The following LUZP2 variants were observed in gnomAD, a reference collection of about 807,000 sequenced individuals.
LUZP2 encodes leucine zipper protein 2.
LUZP2 carries 52 observed loss-of-function variants against 51.6 expected under a neutral mutation model. The ratio of observed to expected loss-of-function variants is 1.01; its 90% CI spans 0.81 to 1.27. The LOEUF (loss-of-function observed/expected upper bound fraction) is 1.27, where lower values mean the gene tolerates loss of function less well. Among genes scored for constraint, LUZP2 ranks in the 50% most tolerant of loss-of-function variants. LUZP2 has a pLI of 0.00. For synonymous variants in LUZP2, 154 were observed against 137.3 expected (o/e 1.12, Z -0.85); for missense variants, 436 against 395.4 (o/e 1.10, Z -0.87).
At chr11:24,748,668 G>C (rs985229265) in intron 4 of LUZP2, among the ~76,000 whole-genome samples, 5 of 151,936 alleles carry the variant, frequency 3.3e-5, no homozygotes, top group African/African-American at 1.2e-4. Context: ...CATGTTGGCC[G>C]GGATGGTCTT....
At chr11:24,975,839 G>C (rs1203727234) in intron 7 of LUZP2, among the ~76,000 whole-genome samples, 1 of 151,984 alleles carries the variant, frequency 6.6e-6, no homozygotes, top group African/African-American at 2.4e-5. Flanking sequence ...ATAGAGAAGT[G>C]TATGGGATTA....
At chr11:24,886,452 C>A (rs1484296922) in intron 5 of LUZP2, among the ~76,000 whole-genome samples, 1 of 152,114 alleles carries the variant, frequency 6.6e-6, no homozygotes, top group Non-Finnish European at 1.5e-5. Flanking sequence ...AGAAAATATA[C>A]TAATGCCATA....
At chr11:24,549,097 T>G (rs992570647) in intron 1 of LUZP2, among the ~76,000 whole-genome samples, 8 of 152,066 alleles carry the variant, frequency 5.3e-5, no homozygotes, top group Non-Finnish European at 2.9e-5. Flanking sequence ...TTTTTGATTC[T>G]TTTGTTATAA....
chr11:24,549,466 T>C (rs1851660033), intron 1 of LUZP2, among the ~76,000 whole-genome samples: 1 of 152,076 alleles, frequency 6.6e-6, no homozygotes, highest in Non-Finnish European at 1.5e-5. Flanking sequence ...CGGAGTACAA[T>C]ATAAAATAAC....
At position 24,738,250 on chromosome 11, in the gene LUZP2, T is replaced by A; in HGVS notation, c.281T>A (p.Leu94Gln). 1.9e-6 allele frequency: 3 copies of A among 1,612,378 alleles called. No individual in the cohort carries two copies. The highest frequency in any genetic ancestry group is 2.5e-6 in the Non-Finnish European group (3 of 1,178,868). The stretch of plus-strand genomic sequence containing the variant: ...GAAATGAAGTCTCTTCAGGAGGCCC[T>A]GCAAAATCAGCTTAAGGAGACATCA... ...REEMKSLQEA[L>Q]QNQLKETSEK... The change falls in exon 4 of 12, where the codon CTG becomes CAG. Residue 94 changes from leucine to glutamine, a missense_variant. By Grantham distance (113) the Leu-to-Gln change is moderately radical (BLOSUM62 -2). Transcript: ENST00000336930.
intron 10 of LUZP2, among the ~76,000 whole-genome samples, chr11:25,065,957 C>T (rs1487799414): frequency 6.6e-6 from 1 of 151,974 alleles, no homozygotes; most frequent in Admixed American, 6.6e-5. Flanking sequence ...TTTCATCCAT[C>T]TTCTCTGTCT....
chr11:24,907,532 A>G (rs1853495958), intron 6 of LUZP2, among the ~76,000 whole-genome samples: 1 of 152,110 alleles, frequency 6.6e-6, no homozygotes, highest in Non-Finnish European at 1.5e-5. Flanking sequence ...ATAGACTTGT[A>G]CATTGTTTAT....
chr11:25,014,972 T>G (rs1857106321), intron 9 of LUZP2, among the ~76,000 whole-genome samples: 2 of 152,178 alleles, frequency 1.3e-5, no homozygotes, highest in South Asian at 4.1e-4. Flanking sequence ...TACATATGGC[T>G]AGCCAGTTTC....
rs924866007 is a variant in LUZP2, at chr11:25,014,353, C to G, written c.765+31060C>G. 7.2e-5 allele frequency among the ~76,000 whole-genome samples: 11 copies of G among 152,260 alleles called. 1 individual carries two copies. The highest frequency in any genetic ancestry group is 1.2e-4 in the African/African-American group (5 of 41,540). ...GTCTTCCACAATGGCTGAACTAGTT[C>G]ACAGTCCCACCAACAGTGTAAAAGT... On this transcript the variant is annotated intron_variant, in intron 9 of 11. Coordinates refer to ENST00000336930, the MANE Select transcript of LUZP2 (RefSeq NM_001009909.4).
chr11:24,542,905 G>C (rs1366358818), intron 1 of LUZP2, among the ~76,000 whole-genome samples: 2 of 136,426 alleles, frequency 1.5e-5, no homozygotes, highest in Non-Finnish European at 3.2e-5. Context: ...TGAACAAAAA[G>C]AACAGCACAC....
At chr11:24,521,184 C>G (rs1850627989) in intron 1 of LUZP2, among the ~76,000 whole-genome samples, 1 of 151,958 alleles carries the variant, frequency 6.6e-6, no homozygotes, top group Non-Finnish European at 1.5e-5. Flanking sequence ...AACCCCATCT[C>G]TACTAGAAAT....
chr11:25,035,288 TA>T (rs909710959), intron 9 of LUZP2, among the ~76,000 whole-genome samples: 12 of 151,940 alleles, frequency 7.9e-5, no homozygotes, highest in Admixed American at 2.6e-4. Context: ...TAGAAAATCA[TA>T]AAAAAAACTT....
intron 5 of LUZP2, among the ~76,000 whole-genome samples, chr11:24,784,872 A>G (rs1213211498): frequency 6.6e-6 from 1 of 152,098 alleles, no homozygotes; most frequent in Non-Finnish European, 1.5e-5. Flanking sequence ...ACATTTATGC[A>G]TATATTTTCT....
At chr11:24,926,639 A>G (rs141509069) in intron 7 of LUZP2, among the ~76,000 whole-genome samples, 3,108 of 126,514 alleles carry the variant, frequency 0.025, 63 homozygotes, top group Middle Eastern at 0.041. Flanking sequence ...GTATATATGT[A>G]TATATATATA....
intron 1 of LUZP2, among the ~76,000 whole-genome samples, chr11:24,670,450 C>T (rs1190753549): frequency 1.3e-5 from 2 of 151,884 alleles, no homozygotes; most frequent in South Asian, 2.1e-4. Context: ...TAAACTTAGG[C>T]CCGGTTGACT....
chr11:24,951,208 T>C (rs770697268), intron 7 of LUZP2, among the ~76,000 whole-genome samples: 168 of 151,702 alleles, frequency 1.1e-3, no homozygotes, highest in Non-Finnish European at 1.7e-3. Context: ...CCAAATACTA[T>C]TAAAGCAACG....
intron 1 of LUZP2, among the ~76,000 whole-genome samples, chr11:24,637,103 A>C (rs1418733447): frequency 6.6e-6 from 1 of 151,872 alleles, no homozygotes; most frequent in Non-Finnish European, 1.5e-5. Context: ...TTAAAAATCT[A>C]TAAAACAAAA....
intron 5 of LUZP2, among the ~76,000 whole-genome samples, chr11:24,792,549 T>A (rs1849437470): frequency 6.6e-6 from 1 of 152,188 alleles, no homozygotes; most frequent in African/African-American, 2.4e-5. Context: ...CATATCTTTA[T>A]AAGAACTTAG....
chr11:24,875,951 T>C (rs992603173), intron 5 of LUZP2, among the ~76,000 whole-genome samples: 10 of 150,776 alleles, frequency 6.6e-5, no homozygotes, highest in Admixed American at 2.0e-4. Flanking sequence ...GATGGGGTTG[T>C]TTGTTTTTTT....
Sources: gnomAD v4.1 joint callset for allele counts (sites outside exome capture counted in the v4.1 genomes callset) on GRCh38, gnomAD v4.1.1 for gene constraint, MANE v1.5 for transcripts, NCBI Gene and HGNC (gene_info 2026-07-23, HGNC 2026-07-21) for gene names.